TMEM135: variants seen among roughly 807,000 people sequenced by gnomAD.
The protein encoded by TMEM135 is transmembrane protein 135, also known as peroxisomal membrane protein 52.
Under a neutral mutation model 60.3 loss-of-function variants are expected in TMEM135, and 30 were observed. That is an observed-to-expected ratio of 0.50 (90% CI 0.37 to 0.68). The LOEUF (loss-of-function observed/expected upper bound fraction) is 0.68. Ranked by LOEUF, TMEM135 falls within the 30% of genes least tolerant of loss-of-function variation. TMEM135 has a pLI of 0.00. For missense variants in TMEM135, 468 were observed against 548.8 expected, an observed-to-expected ratio of 0.85 and a Z score of 1.47; for synonymous variants, 190 against 186.7, an observed-to-expected ratio of 1.02 and a Z score of -0.14.
At chr11:87,253,315 T>C (rs687197) in intron 6 of TMEM135, among the ~76,000 whole-genome samples, 100,234 of 151,922 alleles carry the variant, frequency 0.66, 33,623 homozygotes, top group Non-Finnish European at 0.71. Context: ...GAACCTAAAA[T>C]GCGACCCCTA....
intron 14 of TMEM135, 35 bp downstream of exon 14, chr11:87,319,412 G>A (rs2134537531): frequency 1.5e-5 from 22 of 1,462,286 alleles, no homozygotes; most frequent in Non-Finnish European, 1.9e-5. Context: ...AAAATATTAT[G>A]AGTGGTTTTA....
intron 9 of TMEM135, among the ~76,000 whole-genome samples, chr11:87,307,491 G>A (rs11235088): frequency 0.29 from 43,334 of 151,900 alleles, 7,174 homozygotes; most frequent in Middle Eastern, 0.4. Flanking sequence ...TTTAGATGGG[G>A]AACTAAGAGG....
intron 5 of TMEM135, among the ~76,000 whole-genome samples, chr11:87,165,839 G>A (rs1048801803): frequency 2.6e-4 from 34 of 133,276 alleles, no homozygotes; most frequent in Non-Finnish European, 4.4e-4. Flanking sequence ...TTGATAGACC[G>A]CTAGTAAGAC....
At chr11:87,119,231 T>A (rs906921638) in intron 4 of TMEM135, among the ~76,000 whole-genome samples, 1 of 152,224 alleles carries the variant, frequency 6.6e-6, no homozygotes, top group Non-Finnish European at 1.5e-5. Flanking sequence ...AGGTTATTAA[T>A]TGGCCTAATT....
At chr11:87,272,426 G>A (rs1941886855) in intron 6 of TMEM135, among the ~76,000 whole-genome samples, 1 of 151,708 alleles carries the variant, frequency 6.6e-6, no homozygotes, top group African/African-American at 2.4e-5. Context: ...AACCTTTCTA[G>A]TCTCAGCACT....
At chr11:87,266,390 G>A (rs1231623218) in intron 6 of TMEM135, among the ~76,000 whole-genome samples, 2 of 152,062 alleles carry the variant, frequency 1.3e-5, no homozygotes, top group Non-Finnish European at 2.9e-5. Context: ...CACTAGAGTC[G>A]TATTTGTCTT....
At chr11:87,272,464 T>A (rs963235438) in intron 6 of TMEM135, among the ~76,000 whole-genome samples, 2 of 151,956 alleles carry the variant, frequency 1.3e-5, no homozygotes, top group Admixed American at 6.6e-5. Context: ...AGTTTTTTTT[T>A]AATTTCTATT....
intron 6 of TMEM135, among the ~76,000 whole-genome samples, chr11:87,294,034 A>C (rs757974344): frequency 3.3e-5 from 5 of 152,080 alleles, no homozygotes; most frequent in Non-Finnish European, 7.4e-5. Flanking sequence ...TTGTTCCCTG[A>C]CTTTTTAATA....
At chr11:87,118,684 C>T (rs924186015) in intron 4 of TMEM135, among the ~76,000 whole-genome samples, 4 of 152,076 alleles carry the variant, frequency 2.6e-5, no homozygotes, top group Non-Finnish European at 4.4e-5. Context: ...CCTCATGATC[C>T]GCCCATCGTG....
chr11:87,226,737 C>G (rs1228740317), intron 5 of TMEM135, among the ~76,000 whole-genome samples: 1 of 152,056 alleles, frequency 6.6e-6, no homozygotes, highest in Non-Finnish European at 1.5e-5. Context: ...GTTTAGTGGC[C>G]TTGAAGGTAT....
intron 6 of TMEM135, among the ~76,000 whole-genome samples, chr11:87,289,927 T>A (rs1377207098): frequency 6.6e-6 from 1 of 152,212 alleles, no homozygotes; most frequent in African/African-American, 2.4e-5. Flanking sequence ...TATAATGTCT[T>A]CCAGTCCATC....
At chr11:87,205,753 A>G (rs929521638) in intron 5 of TMEM135, among the ~76,000 whole-genome samples, 3 of 152,186 alleles carry the variant, frequency 2.0e-5, no homozygotes, top group Admixed American at 2.0e-4. Context: ...ACTGGGCTGA[A>G]TATAATATTT....
At chr11:87,126,552 A>G (rs1937735649) in intron 4 of TMEM135, among the ~76,000 whole-genome samples, 1 of 151,638 alleles carries the variant, frequency 6.6e-6, no homozygotes, top group South Asian at 2.1e-4. Flanking sequence ...CTAAAAATGT[A>G]TACATTTAAA....
intron 4 of TMEM135, among the ~76,000 whole-genome samples, chr11:87,132,262 T>C (rs1482854205): frequency 6.6e-5 from 10 of 152,178 alleles, no homozygotes; most frequent in Admixed American, 6.6e-4. Context: ...TGGTGCCTGC[T>C]GTCATAGGGT....
At chr11:87,266,610 T>C (rs1426865357) in intron 6 of TMEM135, among the ~76,000 whole-genome samples, 5 of 152,128 alleles carry the variant, frequency 3.3e-5, no homozygotes, top group African/African-American at 9.7e-5. Context: ...AACTACTATC[T>C]AATGTAATAG....
chr11:87,145,691 T>TC (rs910742532), intron 4 of TMEM135, among the ~76,000 whole-genome samples: 2 of 152,032 alleles, frequency 1.3e-5, no homozygotes, highest in Middle Eastern at 3.2e-3. Flanking sequence ...GATGTTGATT[T>TC]TTTTTTCATG....
At chr11:87,256,986 G>T (rs1372876345) in intron 6 of TMEM135, among the ~76,000 whole-genome samples, 1 of 152,026 alleles carries the variant, frequency 6.6e-6, no homozygotes, top group Non-Finnish European at 1.5e-5. Flanking sequence ...ATTATATTAT[G>T]TAGGCTATAT....
chr11:87,038,505 A>G (rs1200571951), intron 1 of TMEM135, among the ~76,000 whole-genome samples: 1 of 149,656 alleles, frequency 6.7e-6, no homozygotes, highest in African/African-American at 2.5e-5. Context: ...GACCAGCCTT[A>G]TTTTCCTCTG....
chr11:87,328,208 A>G lies in TMEM135; in HGVS notation c.*6875A>G, dbSNP rs1258291856. ...TCAGATCTCAGTTTCATTTCCCATT[A>G]TATCCTTCTCTCTCTTGATTTAGAA... On this transcript the variant is annotated 3_prime_UTR_variant, in exon 15 of 15. Coordinates refer to ENST00000305494, the MANE Select transcript of TMEM135 (RefSeq NM_022918.4). 2.2e-6 allele frequency: 1 copy of G among 454,046 alleles called. No individual in the cohort carries two copies. Among genetic ancestry groups the G allele is most frequent in the Non-Finnish European group, 4.4e-6 (1 of 226,776 alleles). 28.1% of individuals were successfully genotyped at this position (454,046 alleles called of 1,614,324 possible).
Sources: gnomAD v4.1 joint callset for allele counts (sites outside exome capture counted in the v4.1 genomes callset) on GRCh38, gnomAD v4.1.1 for gene constraint, MANE v1.5 for transcripts, NCBI Gene and HGNC (gene_info 2026-07-23, HGNC 2026-07-21) for gene names.